Variants in ITGA7 observed in about 807,000 individuals in gnomAD.
ITGA7 encodes integrin alpha-7.
In ITGA7, 84 loss-of-function variants were observed where a neutral mutation model predicts 131.6. The observed-to-expected ratio is 0.64, with a 90% confidence interval of 0.54 to 0.77. ITGA7 has a LOEUF of 0.77. Among genes scored for constraint, ITGA7 ranks in the 30% least tolerant of loss-of-function variants. The pLI is 0.00. For synonymous variants in ITGA7, 548 were observed against 600.7 expected (o/e 0.91, Z 1.28); for missense variants, 1,399 against 1,482.9 (o/e 0.94, Z 0.93).
chr12:55,707,920 C>T, upstream of ITGA7: 1 of 1,394,688 alleles, frequency 7.2e-7, no homozygotes, highest in Non-Finnish European at 9.3e-7. Context: ...CTCCCGCCTC[C>T]TCTCCCGGGG....
chr12:55,698,953 C>T (rs906798093), intron 5 of ITGA7, 36 bp from the exon 6 acceptor site: 1 of 1,557,324 alleles, frequency 6.4e-7, no homozygotes, highest in Non-Finnish European at 8.7e-7. Flanking sequence ...AGTCTTCACC[C>T]CAAGACTCAG....
intron 4 of ITGA7, chr12:55,700,501 C>T: frequency 1.5e-6 from 2 of 1,353,324 alleles, no homozygotes; most frequent in South Asian, 1.3e-5. Flanking sequence ...TTCTTTCTAG[C>T]CCTCTCCCCA....
chr12:55,693,591 A>G (rs1269211325), intron 19 of ITGA7, among the ~76,000 whole-genome samples: 1 of 151,938 alleles, frequency 6.6e-6, no homozygotes, highest in Non-Finnish European at 1.5e-5. Context: ...AATTTCAACA[A>G]ATACTCAGGA....
chr12:55,689,412 C>A (rs1482128629), intron 21 of ITGA7, among the ~76,000 whole-genome samples: 1 of 152,198 alleles, frequency 6.6e-6, no homozygotes, highest in Non-Finnish European at 1.5e-5. Context: ...AATATTTGAA[C>A]TCAGGTCCAT....
Position 55,688,073 on chromosome 12 carries a change from G to A in ITGA7, c.3081C>T (p.Asp1027=), listed in dbSNP as rs1329473401. Residue 1027 remains aspartate, a synonymous_variant, in exon 24 of 25, where the codon GAC becomes GAT. Transcript: ENST00000257879. ...CTCCTTCTGCCACCACAGCCATGGG[G>A]TCCAAGTATACCATCACTGGGATCT... ...STVIPVMVYL[D]PMAVVAEGVP... 1 of 1,614,050 alleles carries A rather than the reference G, an allele frequency of 6.2e-7. No individual in the cohort carries two copies. Among genetic ancestry groups the A allele is most frequent in the African/African-American group, 1.3e-5 (1 of 74,918 alleles).
chr12:55,700,091 A>T lies in ITGA7; in HGVS notation c.671-102T>A, dbSNP rs1873637189. On this transcript the variant is annotated intron_variant, in intron 4 of 24. Transcript: ENST00000257879. ...AAAGGCCAGAAAATGGTGGAAGAAG[A>T]AGAGGTGGAGAGAGAAAAAGAGACC... 2.7e-6 allele frequency: 4 copies of T among 1,493,680 alleles called. No individual in the cohort carries two copies. In the Admixed American group the frequency reaches 7.0e-5, roughly 26 times the overall value. The allele number at this position is 1,493,680 out of a possible 1,614,324, so 92.5% of individuals were successfully genotyped here.
At chr12:55,712,147 G>T (rs1362762154), upstream of ITGA7, 4 of 1,551,498 alleles carry the variant, frequency 2.6e-6, no homozygotes, top group Admixed American at 5.9e-5. Context: ...GGGAGGAAAA[G>T]AACATAAATG....
At chr12:55,697,602 C>T in intron 9 of ITGA7, 56 bp from the exon 10 acceptor site, 5 of 1,609,980 alleles carry the variant, frequency 3.1e-6, no homozygotes, top group East Asian at 2.2e-5. Flanking sequence ...CTGGGAAACA[C>T]TCTTCAGCAT....
chr12:55,700,607 T>C, intron 4 of ITGA7: 1 of 640,450 alleles, frequency 1.6e-6, no homozygotes, highest in Non-Finnish European at 2.7e-6. Context: ...GAGACGGGAA[T>C]GGCAGTGATG....
At position 55,684,971 on chromosome 12, in the gene ITGA7, G is replaced by A; in HGVS notation, c.*87C>T. The A allele has an allele frequency of 8.8e-7, 1 of 1,132,332 alleles. No homozygotes were observed. The allele number at this position is 1,132,332 out of a possible 1,614,324, so 70.1% of individuals were successfully genotyped here. ...CCTGCCAAATCTTGATGCGACACCA[G>A]CAGCCCACTCTACCCTCTTCATCCC... is the stretch of plus-strand genomic sequence containing the variant. On this transcript the variant is annotated 3_prime_UTR_variant, in exon 25 of 25. Coordinates refer to ENST00000257879, the MANE Select transcript of ITGA7 (RefSeq NM_002206.3).
At chr12:55,708,140 C>T, upstream of ITGA7, 1 of 666,452 alleles carries the variant, frequency 1.5e-6, no homozygotes, top group East Asian at 1.4e-4. Context: ...CCCATCCCCA[C>T]CCCGGGAGTG....
At chr12:55,693,706 G>A (rs947663370) in intron 19 of ITGA7, among the ~76,000 whole-genome samples, 1 of 152,108 alleles carries the variant, frequency 6.6e-6, no homozygotes, top group African/African-American at 2.4e-5. Context: ...CAAAGGCAGA[G>A]TTCTAGGGAG....
At chr12:55,713,053 T>A (rs940806472), upstream of ITGA7, among the ~76,000 whole-genome samples, 1 of 146,426 alleles carries the variant, frequency 6.8e-6, no homozygotes, top group Non-Finnish European at 1.5e-5. Flanking sequence ...CCATTAGCCC[T>A]CACCCTCTGT....
chr12:55,692,798 G>A lies in ITGA7; in HGVS notation c.2844+46C>T, dbSNP rs148775515. On this transcript the variant is annotated intron_variant, in intron 21 of 24. Coordinates refer to ENST00000257879, the MANE Select transcript of ITGA7 (RefSeq NM_002206.3). The stretch of plus-strand genomic sequence containing the variant: ...CTCAACAGGTACCCTTCCTGGACAC[G>A]CAGCACCCCGGAGCTCTGGCTGCAC... 7.3e-4 allele frequency: 1,148 copies of A among 1,566,558 alleles called. 8 individuals are homozygous for A. In the African/African-American group the frequency reaches 0.013, roughly 17 times the overall value.
chr12:55,713,028 C>T (rs1417501688), upstream of ITGA7, among the ~76,000 whole-genome samples: 1 of 151,630 alleles, frequency 6.6e-6, no homozygotes, highest in Non-Finnish European at 1.5e-5. Context: ...TTTGAGACCC[C>T]CCCAACACTA....
chr12:55,705,887 T>C (rs1384586365), intron 1 of ITGA7, among the ~76,000 whole-genome samples: 1 of 152,180 alleles, frequency 6.6e-6, no homozygotes, highest in Non-Finnish European at 1.5e-5. Flanking sequence ...CAAGAAGTTT[T>C]TTTCATCAGT....
At position 55,694,664 on chromosome 12, in the gene ITGA7, G is replaced by A. The variant is rs765162973; in HGVS notation, c.2228C>T (p.Ala743Val). The A allele has an allele frequency of 6.2e-7, 1 of 1,614,142 alleles. No individual in the cohort carries two copies. The highest frequency in any genetic ancestry group is 2.2e-5 in the East Asian group (1 of 44,880). Residue 743 changes from alanine (A) to valine (V), a missense_variant, in exon 16 of 25, where the codon GCC becomes GTC. By Grantham distance (64) the Ala-to-Val change is moderately conservative. Transcript: ENST00000257879. This position sits in a 1 kb window ranked among gnomAD's most constrained non-coding sequence, Gnocchi z 5.3. ...EKPLCLSNEN[A>V]SHVECELGNP... is the part of the protein sequence containing the mutation. ...CCCCAGCTCACACTCAACATGGGAG[G>A]CATTCTCATTGGACAGGCAGAGTGG...
At position 55,685,206 on chromosome 12, in the gene ITGA7, T is replaced by C; in HGVS notation, c.3266A>G (p.Gln1089Arg). ...HAVKIPREDRQQFKEEKTGTI... is the reference protein window; with the variant it reads ...HAVKIPREDRRQFKEEKTGTI... The stretch of plus-strand genomic sequence containing the variant: ...GCCCGTCTTCTCCTCCTTGAACTGC[T>C]GTCGGTCTTCCCGAGGAATCTTCAC... The change falls in exon 25 of 25, where the codon CAG becomes CGG. Residue 1089 changes from glutamine (Q) to arginine (R), a missense_variant. By Grantham distance (43) the Gln-to-Arg change is conservative. Coordinates refer to ENST00000257879, the MANE Select transcript of ITGA7 (RefSeq NM_002206.3). The C allele has an allele frequency of 6.2e-7, 1 of 1,614,220 alleles. No homozygotes were observed. The highest frequency in any genetic ancestry group is 2.2e-5 in the East Asian group (1 of 44,876).
intron 4 of ITGA7, 92 bp downstream of exon 4, chr12:55,700,807 T>C: frequency 6.6e-7 from 1 of 1,507,892 alleles, no homozygotes. Context: ...AGTGCACATG[T>C]GGTCATGCTT....
Sources: allele counts gnomAD v4.1 joint callset (sites outside exome capture counted in the v4.1 genomes callset), GRCh38; gene constraint gnomAD v4.1.1; non-coding constraint Gnocchi (gnomAD v3.1); transcripts MANE v1.5; gene names NCBI Gene and HGNC (gene_info 2026-07-23, HGNC 2026-07-21).